Variants in BTBD9 observed in about 807,000 individuals in gnomAD.
The protein encoded by BTBD9 is BTB domain containing 9, also known as BTB/POZ domain-containing protein 9.
Under a neutral mutation model 64.3 loss-of-function variants are expected in BTBD9, and 49 were observed. That is an observed-to-expected ratio of 0.76 (90% CI 0.61 to 0.97). The LOEUF (loss-of-function observed/expected upper bound fraction) is 0.97, where lower values mean the gene tolerates loss of function less well. BTBD9 is among the 50% of genes least tolerant of loss of function. BTBD9 has a pLI of 0.00. For missense variants in BTBD9, 598 were observed against 762.1 expected (o/e 0.78, Z 2.53); for synonymous variants, 260 against 274.7 (o/e 0.95, Z 0.53).
chr6:38,238,725 G>A (rs180813986), intron 9 of BTBD9, among the ~76,000 whole-genome samples: 114 of 152,118 alleles, frequency 7.5e-4, no homozygotes, highest in African/African-American at 2.5e-3. Flanking sequence ...CGCCCACCTC[G>A]GCCTCCCAAA....
intron 6 of BTBD9, among the ~76,000 whole-genome samples, chr6:38,431,317 T>C (rs536100082): frequency 6.6e-6 from 1 of 150,462 alleles, no homozygotes; most frequent in East Asian, 1.9e-4. Flanking sequence ...CAACAATAGC[T>C]AACATTTACT....
At chr6:38,199,610 A>G (rs1762387908) in intron 9 of BTBD9, among the ~76,000 whole-genome samples, 1 of 152,200 alleles carries the variant, frequency 6.6e-6, no homozygotes, top group African/African-American at 2.4e-5. Flanking sequence ...GGAGGAACAC[A>G]TTGCTTTAGT....
At chr6:38,358,457 T>C (rs1310841220) in intron 6 of BTBD9, among the ~76,000 whole-genome samples, 3 of 152,264 alleles carry the variant, frequency 2.0e-5, no homozygotes, top group African/African-American at 4.8e-5. Context: ...TAGGAGAAAG[T>C]ACATACTGTA....
chr6:38,554,960 G>A (rs1247667720), intron 6 of BTBD9, among the ~76,000 whole-genome samples: 1 of 152,182 alleles, frequency 6.6e-6, no homozygotes. Context: ...TCATCTTAGA[G>A]TGTGAGTAAC....
intron 6 of BTBD9, among the ~76,000 whole-genome samples, chr6:38,371,675 C>T (rs1480520738): frequency 3.9e-5 from 6 of 152,182 alleles, no homozygotes; most frequent in Non-Finnish European, 8.8e-5. Flanking sequence ...TAATAAATCT[C>T]TCAGCTTCCC....
chr6:38,420,849 C>T (rs536002403), intron 6 of BTBD9, among the ~76,000 whole-genome samples: 25 of 151,880 alleles, frequency 1.6e-4, no homozygotes, highest in Admixed American at 8.5e-4. Flanking sequence ...AGTGAGACTC[C>T]GTCTCAAATA....
rs146558859 is a variant in BTBD9, at chr6:38,338,006, C to T, written c.1264+6978G>A. On this transcript the variant is annotated intron_variant, in intron 7 of 10. Transcript: ENST00000481247. ...TGTTTCTGTTCAGATAGCACAGTTC[C>T]AGTGGTGGCAGCAGTAGTAAGTGTA... Among the ~76,000 whole-genome samples the T allele has an allele frequency of 2.9e-3, 445 of 152,264 alleles. 3 individuals carry two copies. The highest frequency in any genetic ancestry group is 6.5e-3 in the Admixed American group (99 of 15,282).
At chr6:38,329,212 C>T (rs1216128290) in intron 7 of BTBD9, among the ~76,000 whole-genome samples, 1 of 151,854 alleles carries the variant, frequency 6.6e-6, no homozygotes, top group Non-Finnish European at 1.5e-5. Context: ...TTATAAATAA[C>T]ACTGTGCTGA....
chr6:38,270,257 G>C (rs1418359431), intron 8 of BTBD9, among the ~76,000 whole-genome samples: 1 of 152,082 alleles, frequency 6.6e-6, no homozygotes, highest in Non-Finnish European at 1.5e-5. Context: ...TATTTTGGCT[G>C]ATAGGACCTA....
intron 9 of BTBD9, among the ~76,000 whole-genome samples, chr6:38,195,455 G>C (rs1762245216): frequency 6.6e-6 from 1 of 152,182 alleles, no homozygotes; most frequent in Non-Finnish European, 1.5e-5. Context: ...GGCGCTGAGA[G>C]GAGGGTGTTT....
Position 38,598,098 on chromosome 6 carries a change from G to A in BTBD9, c.-4C>T. On this transcript the variant is annotated 5_prime_UTR_variant, in exon 2 of 11. Transcript: ENST00000481247. ...GAAGAGGGTGGCTGTTACTCATCTT[G>A]TGGAATAGACGATAGTCGTTGTTCT... 6 of 1,612,188 alleles carry A rather than the reference G, an allele frequency of 3.7e-6. No individual in the cohort carries two copies. The highest frequency in any genetic ancestry group is 5.1e-6 in the Non-Finnish European group (6 of 1,178,930).
intron 7 of BTBD9, among the ~76,000 whole-genome samples, chr6:38,334,108 C>A (rs948951939): frequency 2.0e-5 from 3 of 152,120 alleles, no homozygotes; most frequent in Non-Finnish European, 4.4e-5. Context: ...AGCACTGTGC[C>A]CCCTGCTCTA....
At chr6:38,517,795 G>C (rs897987815) in intron 6 of BTBD9, among the ~76,000 whole-genome samples, 10 of 152,052 alleles carry the variant, frequency 6.6e-5, no homozygotes, top group Non-Finnish European at 1.2e-4. Context: ...AAGCTAGCTG[G>C]CTCTATAACA....
chr6:38,462,057 A>G (rs1379950653), intron 6 of BTBD9, among the ~76,000 whole-genome samples: 2 of 152,112 alleles, frequency 1.3e-5, no homozygotes, highest in Admixed American at 6.5e-5. Flanking sequence ...AATTCTTCAT[A>G]TGTTCTTTAT....
rs144941574 is a variant in BTBD9, at chr6:38,297,564, T to A, written c.1265-9103A>T. On this transcript the variant is annotated intron_variant, in intron 7 of 10. Transcript: ENST00000481247. ...TCTTAACAATGTTTTTGCCCTAAAG[T>A]CTATGTTGTCTGATGTCAAGTAACT... is the stretch of plus-strand genomic sequence containing the variant. Among the ~76,000 whole-genome samples the A allele has an allele frequency of 2.0e-3, 298 of 152,286 alleles. 1 individual carries two copies. The highest frequency in any genetic ancestry group is 7.0e-3 in the African/African-American group (291 of 41,572).
chr6:38,493,408 G>T (rs1050244237), intron 6 of BTBD9, among the ~76,000 whole-genome samples: 13 of 152,170 alleles, frequency 8.5e-5, no homozygotes, highest in Non-Finnish European at 1.6e-4. Context: ...TGCTGACGGG[G>T]TCTTTGGGAG....
intron 8 of BTBD9, among the ~76,000 whole-genome samples, chr6:38,263,916 C>T (rs1363269010): frequency 3.9e-5 from 6 of 152,054 alleles, no homozygotes; most frequent in African/African-American, 1.4e-4. Context: ...AGAAAAGGTA[C>T]GCAATAAGAG....
intron 9 of BTBD9, among the ~76,000 whole-genome samples, chr6:38,249,698 CT>C (rs1311864810): frequency 6.7e-6 from 1 of 149,228 alleles, no homozygotes; most frequent in African/African-American, 2.5e-5. Flanking sequence ...GTCAACACAA[CT>C]GTCTGGGAGC....
chr6:38,298,641 CT>C (rs1191644942), intron 7 of BTBD9, among the ~76,000 whole-genome samples: 2 of 152,110 alleles, frequency 1.3e-5, no homozygotes, highest in Non-Finnish European at 2.9e-5. Flanking sequence ...ACCAGTCTCC[CT>C]TTATCCCTTC....
Sources: allele counts gnomAD v4.1 joint callset (sites outside exome capture counted in the v4.1 genomes callset), GRCh38; gene constraint gnomAD v4.1.1; transcripts MANE v1.5; gene names NCBI Gene and HGNC (gene_info 2026-07-23, HGNC 2026-07-21).